WDR44: variants seen among roughly 807,000 people sequenced by gnomAD.
WDR44 encodes WD repeat domain 44.
In WDR44, 9 loss-of-function variants were observed where a neutral mutation model predicts 65.7. The observed-to-expected ratio is 0.14, with a 90% CI of 0.08 to 0.24. WDR44 has a LOEUF of 0.24. Among genes scored for constraint, WDR44 ranks in the 10% least tolerant of loss-of-function variants. The pLI, the probability that WDR44 is intolerant of heterozygous loss-of-function variation, is 1.00. For missense variants in WDR44, 425 were observed against 670.9 expected, an observed-to-expected ratio of 0.63 and a Z score of 4.05; for synonymous variants, 220 against 235.2, an observed-to-expected ratio of 0.94 and a Z score of 0.59.
At chrX:118,445,252 G>A (rs1326318787) in intron 19 of WDR44, among the ~76,000 whole-genome samples, 5 of 111,727 alleles carry the variant, frequency 4.5e-5, no homozygotes, top group Non-Finnish European at 7.5e-5. Context: ...CTGAGATCGC[G>A]CCACTGCACT....
chrX:118,435,490 C>A (rs2147746673), intron 13 of WDR44, among the ~76,000 whole-genome samples: 1 of 111,390 alleles, frequency 9.0e-6, no homozygotes, highest in African/African-American at 3.3e-5. Flanking sequence ...ACCATGGTGG[C>A]CAGACTGATC....
At chrX:118,444,627 C>T in intron 19 of WDR44, 133 bp downstream of exon 19, 1 of 807,509 alleles carries the variant, frequency 1.2e-6, no homozygotes, top group Non-Finnish European at 1.7e-6. Flanking sequence ...CAGGGTCTTG[C>T]TCTGTCACCC....
chrX:118,424,760 T>C (rs992925885), intron 12 of WDR44, among the ~76,000 whole-genome samples: 16 of 111,402 alleles, frequency 1.4e-4, no homozygotes, highest in Non-Finnish European at 3.0e-4. Flanking sequence ...TGTGGTGTCA[T>C]ATCCAAGAAA....
chrX:118,446,047 A>T (rs1161767752), intron 19 of WDR44, among the ~76,000 whole-genome samples: 2 of 109,124 alleles, frequency 1.8e-5, no homozygotes, highest in Non-Finnish European at 3.8e-5. Context: ...AAAAAAAAAA[A>T]AAAAAAGACC....
rs978346770 is a variant in WDR44 at position 118,396,031 on chromosome X, A to T, written c.1053+687A>T. Among the ~76,000 whole-genome samples, 4 of 75,629 alleles carry T rather than the reference A, an allele frequency of 5.3e-5. No individual in the cohort carries two copies. The South Asian group carries it at 2.2e-3, about 42-fold the overall frequency. 65.7% of individuals were successfully genotyped at this position (75,629 alleles called of 115,157 possible). On this transcript the variant is annotated intron_variant, in intron 6 of 19. Coordinates refer to ENST00000254029, the MANE Select transcript of WDR44 (RefSeq NM_019045.5). ...AGCAAGACTCGGTCTCAAGAAAAAA[A>T]ATTTAAAATAATATAATAATAAAAG...
intron 10 of WDR44, among the ~76,000 whole-genome samples, chrX:118,407,722 G>A (rs751087092): frequency 8.9e-6 from 1 of 112,043 alleles, no homozygotes; most frequent in Non-Finnish European, 1.9e-5. Flanking sequence ...GCTAAAACAA[G>A]GAGAGAGGTA....
chrX:118,410,944 G>A lies in WDR44; in HGVS notation c.1722G>A (p.Ser574=), dbSNP rs1310522177. 8.4e-6 allele frequency: 10 copies of A among 1,194,387 alleles called. No homozygotes were observed. Among genetic ancestry groups the A allele is most frequent in the South Asian group, 1.8e-5 (1 of 54,166 alleles). ...AGGAAAGTCTAAGTTCATCAAAATC[G>A]GATACAGATACAGGGGTATGCTTAT... ...PSQESLSSSK[S]DTDTGVCSGT... Residue 574 remains serine, a synonymous_variant, in exon 12 of 20, where the codon TCG becomes TCA. Coordinates refer to ENST00000254029, the MANE Select transcript of WDR44 (RefSeq NM_019045.5).
intron 2 of WDR44, 136 bp from the exon 3 acceptor site, chrX:118,387,202 AAG>A (rs1491485554): frequency 6.0e-5 from 19 of 317,159 alleles, no homozygotes; most frequent in Non-Finnish European, 8.6e-5. Context: ...AAAAAAAAAA[AAG>A]AAGAAGAAGA....
At chrX:118,383,641 TA>T (rs1417645822) in intron 2 of WDR44, among the ~76,000 whole-genome samples, 1 of 110,081 alleles carries the variant, frequency 9.1e-6, no homozygotes, top group Non-Finnish European at 1.9e-5. Context: ...TTTATTTATT[TA>T]TTTTTTTCTT....
At chrX:118,369,232 C>T (rs1196417993) in intron 1 of WDR44, among the ~76,000 whole-genome samples, 2 of 109,756 alleles carry the variant, frequency 1.8e-5, no homozygotes, top group Non-Finnish European at 3.8e-5. Flanking sequence ...AGTGCAGTGG[C>T]CCTATCTCGG....
intron 1 of WDR44, among the ~76,000 whole-genome samples, chrX:118,358,396 A>G (rs1392969084): frequency 5.4e-5 from 6 of 112,031 alleles, no homozygotes; most frequent in Non-Finnish European, 9.4e-5. Flanking sequence ...TAAATTTTAA[A>G]TATGTTTACC....
chrX:118,361,690 A>T (rs1169116734), intron 1 of WDR44, among the ~76,000 whole-genome samples: 1 of 111,899 alleles, frequency 8.9e-6, no homozygotes, highest in African/African-American at 3.2e-5. Flanking sequence ...TGAGAGGCGA[A>T]GGTTGCAATG....
rs2056845561 is a variant in WDR44, at chrX:118,394,086, C to G, written c.858C>G (p.Leu286=). The change falls in exon 5 of 20, where the codon CTC becomes CTG. Residue 286 remains leucine, a synonymous_variant. Transcript: ENST00000254029. The part of the protein sequence containing the change: ...VPKENITSDS[L]LTASMASEST... ...AAGAGAATATTACGTCTGATTCTCT[C>G]CTAACCGCAAGCATGGCTTCAGAAA... The G allele has an allele frequency of 2.5e-6, 3 of 1,209,449 alleles. No homozygotes were observed. The highest frequency in any genetic ancestry group is 3.4e-6 in the Non-Finnish European group (3 of 894,754).
At chrX:118,387,553 A>G (rs2056782386) in intron 3 of WDR44, 139 bp downstream of exon 3, 3 of 348,345 alleles carry the variant, frequency 8.6e-6, no homozygotes, top group South Asian at 1.4e-4. Flanking sequence ...AATCTGTCAC[A>G]TTTGTGGTTG....
In WDR44 at chrX:118,398,383, A is replaced by G; in HGVS notation, c.1191-4A>G. ...TCTTTTAAAACAACTTCCCCTTCTT[A>G]CAGTAATGACGCGGCACAGTCAGAT... is the stretch of plus-strand genomic sequence containing the variant. On this transcript the variant is annotated splice_polypyrimidine_tract_variant and splice_region_variant and intron_variant, in intron 7 of 19. Coordinates refer to ENST00000254029, the MANE Select transcript of WDR44 (RefSeq NM_019045.5). The G allele has an allele frequency of 8.3e-7, 1 of 1,205,525 alleles. No individual in the cohort carries two copies.
Position 118,436,771 on chromosome X carries a change from C to T in WDR44, c.1921C>T (p.Leu641Phe), listed in dbSNP as rs1474439310. The T allele has an allele frequency of 8.4e-7, 1 of 1,197,486 alleles. No individual in the cohort carries two copies. Among genetic ancestry groups the T allele is most frequent in the Non-Finnish European group, 1.1e-6 (1 of 886,337 alleles). ...ATGGCACATTTCTCGAAGAGAATGC[C>T]TTTGCTGTTTTCAACATATAGATTT... ...RLWHISRRECLCCFQHIDFVT... is the reference protein window; with the variant it reads ...RLWHISRRECFCCFQHIDFVT... Residue 641 changes from leucine to phenylalanine, a missense_variant, in exon 14 of 20, where the codon CTT becomes TTT. This residue lies in a region of WDR44 where 73 missense variants were observed against 187.4 expected (regional missense o/e 0.39). Coordinates refer to ENST00000254029, the MANE Select transcript of WDR44 (RefSeq NM_019045.5).
intron 18 of WDR44, 128 bp downstream of exon 18, chrX:118,443,815 C>T (rs767225027): frequency 1.6e-4 from 101 of 617,917 alleles, no homozygotes; most frequent in Non-Finnish European, 2.1e-4. Flanking sequence ...GAGGCCCATA[C>T]GGGTGTATCA....
chrX:118,446,402 A>C (rs2057346844), intron 19 of WDR44, among the ~76,000 whole-genome samples: 1 of 111,644 alleles, frequency 9.0e-6, no homozygotes, highest in Non-Finnish European at 1.9e-5. Flanking sequence ...GCAACATAGA[A>C]GGACACCCAA....
At chrX:118,387,260 C>A in intron 2 of WDR44, 80 bp from the exon 3 acceptor site, 16 of 489,878 alleles carry the variant, frequency 3.3e-5, no homozygotes, top group East Asian at 5.2e-5. Context: ...GCTACATTTT[C>A]TCATTTGTAC....
Sources: allele counts gnomAD v4.1 joint callset (sites outside exome capture counted in the v4.1 genomes callset), GRCh38; gene constraint gnomAD v4.1.1; regional missense constraint gnomAD v4.1.1; transcripts MANE v1.5; gene names NCBI Gene and HGNC (gene_info 2026-07-23, HGNC 2026-07-21).